The following L3MBTL3 variants were observed in gnomAD, a reference collection of about 807,000 sequenced individuals.
L3MBTL3 encodes lethal(3)malignant brain tumor-like protein 3.
L3MBTL3 carries 27 observed loss-of-function variants against 102.3 expected under a neutral mutation model. The observed-to-expected ratio is 0.26, with a 90% CI of 0.19 to 0.36. The LOEUF (loss-of-function observed/expected upper bound fraction) is 0.36, where lower values mean the gene tolerates loss of function less well. Ranked by LOEUF, L3MBTL3 falls within the 10% of genes least tolerant of loss-of-function variation. The pLI is 1.00. For synonymous variants in L3MBTL3, 340 were observed against 320.9 expected, an observed-to-expected ratio of 1.06 and a Z score of -0.64; for missense variants, 798 against 955.3, an observed-to-expected ratio of 0.84 and a Z score of 2.17.
chr6:130,095,344 CT>C (rs1323902600), intron 18 of L3MBTL3, among the ~76,000 whole-genome samples: 1 of 151,926 alleles, frequency 6.6e-6, no homozygotes, highest in East Asian at 1.9e-4. Context: ...TTTTTTTCAT[CT>C]CTGCAACCTC....
intron 2 of L3MBTL3, among the ~76,000 whole-genome samples, chr6:130,029,229 C>T (rs181287096): frequency 9.0e-4 from 137 of 152,298 alleles, no homozygotes; most frequent in African/African-American, 3.0e-3. Context: ...CTTACTTGCA[C>T]GTACATACTC....
intron 19 of L3MBTL3, among the ~76,000 whole-genome samples, chr6:130,105,471 C>G (rs1337251114): frequency 6.6e-6 from 1 of 151,840 alleles, no homozygotes; most frequent in Non-Finnish European, 1.5e-5. Flanking sequence ...CGACTGATAA[C>G]ATAAACTCAT....
chr6:130,049,505 C>T, intron 4 of L3MBTL3, 112 bp downstream of exon 4: 2 of 763,078 alleles, frequency 2.6e-6, no homozygotes, highest in South Asian at 3.8e-5. Context: ...ATTTTTGTGC[C>T]TCATGTTGTT....
rs569206718 is a variant in L3MBTL3, at chr6:130,140,135, A to G, written c.*382A>G. The G allele has an allele frequency of 5.9e-4, 95 of 161,674 alleles. No homozygotes were observed. The highest frequency in any genetic ancestry group is 2.1e-3 in the African/African-American group (88 of 41,632). 10.0% of individuals were successfully genotyped at this position (161,674 alleles called of 1,614,324 possible). ...TTTCATGTACACTGTTTCTTTTTCA[A>G]TACTTTCAGAAACCTTTTTATATAA... On this transcript the variant is annotated 3_prime_UTR_variant, in exon 23 of 23. Transcript: ENST00000361794.
intron 22 of L3MBTL3, among the ~76,000 whole-genome samples, chr6:130,137,262 C>G (rs190921274): frequency 4.7e-4 from 72 of 152,308 alleles, no homozygotes; most frequent in African/African-American, 1.7e-3. Flanking sequence ...CTCCTGAATT[C>G]CAAATCCCTC....
At chr6:130,089,438 T>G (rs908642010) in intron 16 of L3MBTL3, among the ~76,000 whole-genome samples, 12 of 151,260 alleles carry the variant, frequency 7.9e-5, no homozygotes, top group Non-Finnish European at 1.5e-4. Context: ...GGTGTATATG[T>G]GCCACATTTT....
chr6:130,121,958 A>G (rs762691523), intron 20 of L3MBTL3, among the ~76,000 whole-genome samples: 1 of 152,192 alleles, frequency 6.6e-6, no homozygotes, highest in Non-Finnish European at 1.5e-5. Flanking sequence ...AGGCAGGAGA[A>G]TCAATTGAAC....
At chr6:130,083,994 T>A (rs1249781000) in intron 15 of L3MBTL3, among the ~76,000 whole-genome samples, 1 of 152,192 alleles carries the variant, frequency 6.6e-6, no homozygotes, top group Non-Finnish European at 1.5e-5. Context: ...TAAAGCAATC[T>A]TCTGTCTTTT....
chr6:130,116,049 G>A (rs1424642341), intron 19 of L3MBTL3, among the ~76,000 whole-genome samples: 1 of 152,088 alleles, frequency 6.6e-6, no homozygotes. Flanking sequence ...AGCAGACCTG[G>A]GTTATAACCC....
At chr6:130,060,570 TGA>T in intron 10 of L3MBTL3, among the ~76,000 whole-genome samples, 1 of 152,090 alleles carries the variant, frequency 6.6e-6, no homozygotes, top group South Asian at 2.1e-4. Flanking sequence ...AATATATTAC[TGA>T]GAGTACTTTA....
At position 130,055,173 on chromosome 6, in the gene L3MBTL3, G is replaced by A; in HGVS notation, c.585G>A (p.Glu195=). The A allele has an allele frequency of 6.2e-7, 1 of 1,612,946 alleles. No homozygotes were observed. Among genetic ancestry groups the A allele is most frequent in the Non-Finnish European group, 8.5e-7 (1 of 1,179,132 alleles). ...ATAATTTTCCTTTCTTTTTGTAGGA[G>A]AACAAACAAGATGTAAGAATCCTGA... ...EDGEERDDEM[E]NKQDVRILRG... The change falls in exon 8 of 23, where the codon GAG becomes GAA. Residue 195 remains glutamate, a splice_region_variant and synonymous_variant. Transcript: ENST00000361794.
Position 130,068,327 on chromosome 6 carries a change from T to A in L3MBTL3, c.1001-3T>A. On this transcript the variant is annotated splice_region_variant and splice_polypyrimidine_tract_variant and intron_variant, in intron 11 of 22. Coordinates refer to ENST00000361794, the MANE Select transcript of L3MBTL3 (RefSeq NM_032438.4). ...TCAATCTGTTCATATGTGCTTACTC[T>A]AGGGTATAAAGAAGAAGAATTCAAT... 6.5e-7 allele frequency: 1 copy of A among 1,530,396 alleles called. No individual in the cohort carries two copies. The highest frequency in any genetic ancestry group is 9.1e-7 in the Non-Finnish European group (1 of 1,104,116). 94.8% of individuals were successfully genotyped at this position (1,530,396 alleles called of 1,614,324 possible).
intron 18 of L3MBTL3, among the ~76,000 whole-genome samples, chr6:130,097,857 C>T (rs781753137): frequency 6.6e-6 from 1 of 152,118 alleles, no homozygotes; most frequent in African/African-American, 2.4e-5. Flanking sequence ...CATCTTAGAT[C>T]GGGAGTTCTA....
chr6:130,035,002 A>G (rs1779963926), intron 2 of L3MBTL3, among the ~76,000 whole-genome samples: 1 of 152,156 alleles, frequency 6.6e-6, no homozygotes, highest in African/African-American at 2.4e-5. Context: ...GTTACCAGAG[A>G]GCTTTGTGGA....
intron 16 of L3MBTL3, among the ~76,000 whole-genome samples, chr6:130,089,293 G>A (rs746182336): frequency 1.7e-4 from 23 of 136,014 alleles, no homozygotes; most frequent in South Asian, 9.8e-4. Context: ...TTCAGTTCCC[G>A]CCTATGAGTT....
At chr6:130,058,485 A>AT (rs1280019679) in intron 9 of L3MBTL3, among the ~76,000 whole-genome samples, 2 of 152,112 alleles carry the variant, frequency 1.3e-5, no homozygotes, top group Non-Finnish European at 2.9e-5. Flanking sequence ...AAAAAAAAAA[A>AT]AAATTAAAAA....
At chr6:130,083,953 C>T (rs1010304648) in intron 15 of L3MBTL3, among the ~76,000 whole-genome samples, 6 of 152,012 alleles carry the variant, frequency 3.9e-5, no homozygotes, top group African/African-American at 7.2e-5. Flanking sequence ...CTGCTTGATT[C>T]GATAGCATGT....
intron 1 of L3MBTL3, chr6:130,019,293 C>G (rs1368355932): frequency 7.6e-6 from 1 of 132,422 alleles, no homozygotes; most frequent in Non-Finnish European, 1.6e-5. Context: ...GCGCGGCCGC[C>G]GAGGCGGGGG....
At chr6:130,139,158 G>A (rs1788041217) in intron 22 of L3MBTL3, among the ~76,000 whole-genome samples, 2 of 126,692 alleles carry the variant, frequency 1.6e-5, no homozygotes, top group Admixed American at 1.8e-4. Context: ...TCTTCATGGT[G>A]GAAGGCTAAT....
Sources: gnomAD v4.1 joint callset for allele counts (sites outside exome capture counted in the v4.1 genomes callset) on GRCh38, gnomAD v4.1.1 for gene constraint, MANE v1.5 for transcripts, NCBI Gene and HGNC (gene_info 2026-07-23, HGNC 2026-07-21) for gene names.